The following GOLGB1 variants were observed in gnomAD, a reference collection of about 807,000 sequenced individuals.
The protein encoded by GOLGB1 is golgin B1, also known as golgin subfamily B member 1.
A neutral mutation model predicts 336.9 loss-of-function variants in GOLGB1; 174 were observed. The observed-to-expected ratio is 0.52, with a 90% CI of 0.46 to 0.59. The LOEUF is 0.59. Ranked by LOEUF, GOLGB1 falls within the 20% of genes least tolerant of loss-of-function variation. The pLI, the probability that GOLGB1 is intolerant of heterozygous loss-of-function variation, is 0.00. For missense variants in GOLGB1, 3,331 were observed against 3,645.3 expected, an observed-to-expected ratio of 0.91 and a Z score of 2.22; for synonymous variants, 1,208 against 1,289.2, an observed-to-expected ratio of 0.94 and a Z score of 1.35.
Position 121,692,108 on chromosome 3 carries a change from T to G in GOLGB1, c.7256A>C (p.Glu2419Ala). The G allele has an allele frequency of 6.2e-7, 1 of 1,613,552 alleles. No individual in the cohort carries two copies. Among genetic ancestry groups the G allele is most frequent in the South Asian group, 1.1e-5 (1 of 90,988 alleles). Residue 2419 changes from glutamate (E) to alanine (A), a missense_variant, in exon 14 of 22, where the codon GAA becomes GCA. Coordinates refer to ENST00000614479, the MANE Select transcript of GOLGB1 (RefSeq NM_001366282.2). ...CTCTTCCTCCTGGGACAGCAGGTTT[T>G]CCAGCTCTTTAATTTCTTTATCATG... Reference protein sequence around the residue: ...QQHDKEIKELENLLSQEEEEN... With the variant: ...QQHDKEIKELANLLSQEEEEN...
chr3:121,666,079 T>C (rs558121466), intron 20 of GOLGB1, among the ~76,000 whole-genome samples: 58 of 152,344 alleles, frequency 3.8e-4, no homozygotes, highest in African/African-American at 1.4e-3. Context: ...AGTCTGTCAA[T>C]GTAGGCTATG....
At chr3:121,674,611 G>C (rs908008200) in intron 17 of GOLGB1, among the ~76,000 whole-genome samples, 2 of 152,194 alleles carry the variant, frequency 1.3e-5, no homozygotes, top group African/African-American at 4.8e-5. Flanking sequence ...AAGTGGCTTA[G>C]AGAAGAACAA....
rs756376911 is a variant in GOLGB1 at position 121,667,648 on chromosome 3, G to A, written c.9420-38C>T. The A allele has an allele frequency of 2.5e-6, 4 of 1,600,442 alleles. No individual in the cohort carries two copies. The South Asian group carries it at 4.4e-5, about 18-fold the overall frequency. On this transcript the variant is annotated intron_variant, in intron 19 of 21. Coordinates refer to ENST00000614479, the MANE Select transcript of GOLGB1 (RefSeq NM_001366282.2). ...AGGAAAACAAAAAGCATCATCAGAT[G>A]CAGAAAACAGTTGCTAATACAAGGG... is the stretch of plus-strand genomic sequence containing the variant.
intron 15 of GOLGB1, 100 bp from the exon 16 acceptor site, chr3:121,677,550 C>A: frequency 4.0e-6 from 3 of 755,964 alleles, no homozygotes; most frequent in Non-Finnish European, 6.6e-6. Context: ...TTCAAAGTTA[C>A]TCAAATCTGG....
chr3:121,683,009 T>C (rs1000297903), intron 14 of GOLGB1, among the ~76,000 whole-genome samples: 1 of 148,956 alleles, frequency 6.7e-6, no homozygotes, highest in Non-Finnish European at 1.5e-5. Flanking sequence ...ATAGCTGAGA[T>C]AAGGAGGTCT....
chr3:121,745,478 G>A (rs1000538466), intron 1 of GOLGB1, among the ~76,000 whole-genome samples: 13 of 142,824 alleles, frequency 9.1e-5, no homozygotes, highest in African/African-American at 1.3e-4. Flanking sequence ...ATATGTACAC[G>A]TGTATGTATA....
chr3:121,674,924 T>C (rs1940138090), intron 17 of GOLGB1, among the ~76,000 whole-genome samples: 1 of 148,338 alleles, frequency 6.7e-6, no homozygotes, highest in Non-Finnish European at 1.5e-5. Flanking sequence ...CAAGCTCCGC[T>C]TCCCGGGTTC....
chr3:121,716,544 T>C (rs187099611), intron 9 of GOLGB1, among the ~76,000 whole-genome samples, 193 bp downstream of exon 9: 2 of 152,330 alleles, frequency 1.3e-5, no homozygotes, highest in African/African-American at 4.8e-5. Flanking sequence ...ATGATAATTA[T>C]AATATTAAGA....
chr3:121,714,893 A>T lies in GOLGB1; in HGVS notation c.1372T>A (p.Ser458Thr). The T allele has an allele frequency of 6.2e-7, 1 of 1,610,972 alleles. No homozygotes were observed. The change falls in exon 10 of 22, where the codon TCT becomes ACT. Residue 458 changes from serine (S) to threonine (T), a missense_variant. Physicochemically the swap from Ser to Thr is moderately conservative, Grantham distance 58. Transcript: ENST00000614479. ...LQQHETASQT[S>T]FPDVYNEGTQ... is the part of the protein sequence containing the mutation. ...CCCTCATTATAAACATCTGGGAAAG[A>T]AGTCTGAGATGCTGTTTCATGTTGT...
At chr3:121,667,410 G>T in intron 20 of GOLGB1, 66 bp downstream of exon 20, 2 of 1,491,208 alleles carry the variant, frequency 1.3e-6, no homozygotes, top group East Asian at 4.6e-5. Flanking sequence ...AGTCTGGCAG[G>T]AAATGTACAT....
chr3:121,729,277 T>C lies in GOLGB1; in HGVS notation c.313A>G (p.Thr105Ala), dbSNP rs754446643. 6 of 1,612,072 alleles carry C rather than the reference T, an allele frequency of 3.7e-6. No individual in the cohort carries two copies. In the African/African-American group the frequency reaches 8.0e-5, roughly 22 times the overall value. Reference sequence around the variant, plus strand: ...TCTTCTATGTATTTATTCAAAGAAGTTAATTTGGCCTTCGCATGAAGTTTT... The same window carrying C: ...TCTTCTATGTATTTATTCAAAGAAGCTAATTTGGCCTTCGCATGAAGTTTT... ...KLKLHAKAKL[T>A]SLNKYIEEMK... The change falls in exon 4 of 22, where the codon ACT (threonine) becomes GCT (alanine). Residue 105 changes from threonine (T) to alanine (A), a missense_variant. Thr to Ala is a moderately conservative substitution (Grantham distance 58). Coordinates refer to ENST00000614479, the MANE Select transcript of GOLGB1 (RefSeq NM_001366282.2).
intron 1 of GOLGB1, among the ~76,000 whole-genome samples, chr3:121,739,687 T>C (rs1052802715): frequency 6.6e-6 from 1 of 152,062 alleles, no homozygotes; most frequent in African/African-American, 2.4e-5. Flanking sequence ...TGCAACTACC[T>C]TATGACCCTC....
intron 14 of GOLGB1, among the ~76,000 whole-genome samples, chr3:121,687,011 C>A (rs79938510): frequency 6.6e-6 from 1 of 152,186 alleles, no homozygotes; most frequent in East Asian, 1.9e-4. Flanking sequence ...TGGTGGCTCA[C>A]GCCTGTAATT....
At chr3:121,736,115 ACT>A (rs1946450074) in intron 1 of GOLGB1, among the ~76,000 whole-genome samples, 1 of 152,226 alleles carries the variant, frequency 6.6e-6, no homozygotes, top group African/African-American at 2.4e-5. Flanking sequence ...ATCAGTCAAT[ACT>A]GATATAAATA....
At position 121,719,655 on chromosome 3, in the gene GOLGB1, C is replaced by G; in HGVS notation, c.762G>C (p.Glu254Asp). ...QLVTQADVET[E>D]MQQKLRVLQR... Reference sequence around the variant, plus strand: ...AGTTTTAGCAACACACCTGTTGCATCTCTGTTTCCACATCTGCCTGGGTTA... The same window carrying G: ...AGTTTTAGCAACACACCTGTTGCATGTCTGTTTCCACATCTGCCTGGGTTA... Residue 254 changes from glutamate to aspartate, a missense_variant, in exon 7 of 22, where the codon GAG (glutamate) becomes GAC (aspartate). Coordinates refer to ENST00000614479, the MANE Select transcript of GOLGB1 (RefSeq NM_001366282.2). The G allele has an allele frequency of 6.2e-7, 1 of 1,606,910 alleles. No individual in the cohort carries two copies. Among genetic ancestry groups the G allele is most frequent in the Non-Finnish European group, 8.5e-7 (1 of 1,176,746 alleles).
At chr3:121,674,357 A>G (rs1025002353) in intron 17 of GOLGB1, among the ~76,000 whole-genome samples, 1 of 151,998 alleles carries the variant, frequency 6.6e-6, no homozygotes, top group Non-Finnish European at 1.5e-5. Context: ...AAGGCCTTCA[A>G]TTTTTCCCTG....
In GOLGB1 at chr3:121,719,628, C is replaced by T. The variant is rs72955399; in HGVS notation, c.771+18G>A. 2.9e-3 allele frequency: 4,618 copies of T among 1,586,350 alleles called. 125 individuals are homozygous for T. The African/African-American group carries it at 0.052, about 18-fold the overall frequency. On this transcript the variant is annotated intron_variant, in intron 7 of 21. Transcript: ENST00000614479. Reference sequence around the variant, plus strand: ...TTAACCAAAATGACAGTCATTCTACCGAGTTTTAGCAACACACCTGTTGCA... The same window carrying T: ...TTAACCAAAATGACAGTCATTCTACTGAGTTTTAGCAACACACCTGTTGCA...
At chr3:121,716,638 T>C (rs1436022590) in intron 9 of GOLGB1, 99 bp downstream of exon 9, 2 of 969,850 alleles carry the variant, frequency 2.1e-6, no homozygotes, top group East Asian at 2.5e-5. Flanking sequence ...TTGGTTCAAT[T>C]GGTTTGAGTA....
intron 17 of GOLGB1, 40 bp downstream of exon 17, chr3:121,676,853 A>T: frequency 6.3e-7 from 1 of 1,592,124 alleles, no homozygotes; most frequent in Non-Finnish European, 8.6e-7. Flanking sequence ...CCAGTCATGG[A>T]AAAAAGAAAC....
Sources: allele counts gnomAD v4.1 joint callset (sites outside exome capture counted in the v4.1 genomes callset), GRCh38; gene constraint gnomAD v4.1.1; transcripts MANE v1.5; gene names NCBI Gene and HGNC (gene_info 2026-07-23, HGNC 2026-07-21).